Variants in PACSIN2 observed in about 807,000 individuals in gnomAD.
The protein encoded by PACSIN2 is protein kinase C and casein kinase substrate in neurons protein 2.
In PACSIN2, 25 loss-of-function variants were observed where a neutral mutation model predicts 63.8. That is an observed-to-expected ratio of 0.39 (90% CI 0.29 to 0.55). The LOEUF (loss-of-function observed/expected upper bound fraction) is 0.55, where lower values mean the gene tolerates loss of function less well. Among genes scored for constraint, PACSIN2 ranks in the 20% least tolerant of loss-of-function variants. PACSIN2 has a pLI of 0.62. For missense variants in PACSIN2, 518 were observed against 646.9 expected (o/e 0.80, Z 2.16); for synonymous variants, 255 against 256.2 (o/e 1.00, Z 0.05).
chr22:42,945,151 G>A (rs181879995), intron 1 of PACSIN2, among the ~76,000 whole-genome samples: 1 of 151,732 alleles, frequency 6.6e-6, no homozygotes, highest in Admixed American at 6.6e-5. Flanking sequence ...CCAGTGCTTA[G>A]CATGAGGTAG....
At chr22:42,908,224 C>A (rs1025036195) in intron 2 of PACSIN2, among the ~76,000 whole-genome samples, 3 of 152,226 alleles carry the variant, frequency 2.0e-5, no homozygotes, top group Admixed American at 1.3e-4. Flanking sequence ...CTCCGGGGAG[C>A]TTTTGTTGAG....
At chr22:42,930,746 G>T (rs1011328150) in intron 1 of PACSIN2, among the ~76,000 whole-genome samples, 1 of 152,192 alleles carries the variant, frequency 6.6e-6, no homozygotes, top group African/African-American at 2.4e-5. Flanking sequence ...GACAGTTCAA[G>T]TTCAAAAGTA....
chr22:42,938,622 G>C, intron 1 of PACSIN2, among the ~76,000 whole-genome samples: 1 of 152,320 alleles, frequency 6.6e-6, no homozygotes. Flanking sequence ...TGCATGTTCC[G>C]CAGGACCATT....
At chr22:42,925,209 G>A (rs1435284531) in intron 1 of PACSIN2, among the ~76,000 whole-genome samples, 2 of 152,000 alleles carry the variant, frequency 1.3e-5, no homozygotes, top group Admixed American at 6.6e-5. Flanking sequence ...GGCCGGGGCG[G>A]TGGCTCACGT....
rs1928139788 is a variant in PACSIN2, at chr22:42,871,639, C to A, written c.1349-170G>T. On this transcript the variant is annotated intron_variant, in intron 10 of 10. Transcript: ENST00000263246. This position sits in a 1 kb window ranked among gnomAD's most constrained non-coding sequence, Gnocchi z 5.4. ...ACTAAATGCATGCATTTTAAGTTGC[C>A]TCTTTGGTCATGGGCCTCTGACAGA... Among the ~76,000 whole-genome samples, 1 of 152,192 alleles carries A rather than the reference C, an allele frequency of 6.6e-6. No individual in the cohort carries two copies.
chr22:42,993,529 A>G (rs1476932917), intron 1 of PACSIN2: 2 of 152,236 alleles, frequency 1.3e-5, no homozygotes, highest in Non-Finnish European at 2.9e-5. Flanking sequence ...TTTCATCAAC[A>G]TGGAAAGATA....
intron 1 of PACSIN2, among the ~76,000 whole-genome samples, chr22:42,949,452 A>T (rs935641939): frequency 7.5e-5 from 11 of 147,346 alleles, no homozygotes; most frequent in African/African-American, 3.0e-4. Flanking sequence ...AGCCTCATAC[A>T]CACACGCGCG....
At chr22:42,983,367 C>G (rs4820500) in intron 1 of PACSIN2, among the ~76,000 whole-genome samples, 91,010 of 147,312 alleles carry the variant, frequency 0.62, 28,708 homozygotes, top group East Asian at 0.78. Flanking sequence ...GCACACACTT[C>G]TAATCCCAGC....
At chr22:42,886,592 A>G (rs1929505149) in intron 5 of PACSIN2, among the ~76,000 whole-genome samples, 1 of 152,108 alleles carries the variant, frequency 6.6e-6, no homozygotes, top group Non-Finnish European at 1.5e-5. Context: ...CAGCCTCCAA[A>G]GTAGCTGGGA....
chr22:42,916,847 T>C (rs565402023), intron 1 of PACSIN2, among the ~76,000 whole-genome samples: 7 of 152,088 alleles, frequency 4.6e-5, no homozygotes, highest in Non-Finnish European at 8.8e-5. Flanking sequence ...ACCCTAAAAG[T>C]GATAGCCATT....
chr22:42,884,182 G>A (rs1409328983), intron 6 of PACSIN2, among the ~76,000 whole-genome samples: 3 of 152,130 alleles, frequency 2.0e-5, no homozygotes, highest in Non-Finnish European at 2.9e-5. Flanking sequence ...AGGTCCAGCC[G>A]GCCATGCCTG....
chr22:42,948,237 T>C (rs1461776555), intron 1 of PACSIN2, among the ~76,000 whole-genome samples: 1 of 152,028 alleles, frequency 6.6e-6, no homozygotes, highest in Non-Finnish European at 1.5e-5. Flanking sequence ...GACTGACAAA[T>C]GGCAGGGCGC....
At chr22:42,994,246 G>C (rs940580297) in intron 1 of PACSIN2, among the ~76,000 whole-genome samples, 1 of 152,210 alleles carries the variant, frequency 6.6e-6, no homozygotes, top group Non-Finnish European at 1.5e-5. Flanking sequence ...CTGAGCAGGG[G>C]GACAGGCCTG....
At chr22:42,978,278 A>G (rs1921844770) in intron 1 of PACSIN2, among the ~76,000 whole-genome samples, 1 of 152,210 alleles carries the variant, frequency 6.6e-6, no homozygotes. Context: ...GGTCAGGAGA[A>G]AGTTGTGGAA....
intron 1 of PACSIN2, among the ~76,000 whole-genome samples, chr22:42,981,959 G>A (rs1922191888): frequency 1.2e-5 from 1 of 80,080 alleles, no homozygotes; most frequent in Non-Finnish European, 2.6e-5. Flanking sequence ...GAAGTGAGGA[G>A]CCCCTCTGCC....
chr22:42,894,407 T>C lies in PACSIN2; in HGVS notation c.61-794A>G, dbSNP rs558093960. Reference sequence around the variant, plus strand: ...AGGCACGCATGCCATCACACCCAGCTAGTTTTTGTATTTTTAGTGGAGACA... The same window carrying C: ...AGGCACGCATGCCATCACACCCAGCCAGTTTTTGTATTTTTAGTGGAGACA... On this transcript the variant is annotated intron_variant, in intron 2 of 10. Transcript: ENST00000263246. Among the ~76,000 whole-genome samples, 25 of 152,292 alleles carry C rather than the reference T, an allele frequency of 1.6e-4. No individual in the cohort carries two copies. In the East Asian group the frequency reaches 4.8e-3, roughly 29 times the overall value.
intron 1 of PACSIN2, among the ~76,000 whole-genome samples, chr22:42,955,275 CTGAA>C (rs200886149): frequency 5.3e-5 from 8 of 152,048 alleles, no homozygotes; most frequent in Non-Finnish European, 8.8e-5. Flanking sequence ...AGAAGGTAAA[CTGAA>C]TGAATGAATG....
chr22:42,871,566 G>T lies in PACSIN2; in HGVS notation c.1349-97C>A. The T allele has an allele frequency of 1.1e-6, 1 of 942,354 alleles. No individual in the cohort carries two copies. Among genetic ancestry groups the T allele is most frequent in the Non-Finnish European group, 1.7e-6 (1 of 576,228 alleles). 58.4% of individuals were successfully genotyped at this position (942,354 alleles called of 1,614,324 possible). ...GAGCTTTGAGCCCACAGAGGGTGGAGGGCCAGGCATTCTGTGGCGGGCAGG... is the reference window on the plus strand; with the variant it reads ...GAGCTTTGAGCCCACAGAGGGTGGATGGCCAGGCATTCTGTGGCGGGCAGG... On this transcript the variant is annotated intron_variant, in intron 10 of 10. Coordinates refer to ENST00000263246, the MANE Select transcript of PACSIN2 (RefSeq NM_001184970.3). This position sits in a 1 kb window ranked among gnomAD's most constrained non-coding sequence, Gnocchi z 5.4.
Position 43,004,607 on chromosome 22 carries a change from C to T in PACSIN2, c.-78+10414G>A, listed in dbSNP as rs527335877. ...AAGACCACAATTCATGATCTTGGCA[C>T]GCTCGGTTGGCGACAACATAATTTA... On this transcript the variant is annotated intron_variant, in intron 1 of 10. Transcript: ENST00000263246. Among the ~76,000 whole-genome samples the T allele has an allele frequency of 3.3e-4, 50 of 152,158 alleles. 1 individual carries two copies. The highest frequency in any genetic ancestry group is 2.1e-4 in the Non-Finnish European group (14 of 68,034).
Sources: gnomAD v4.1 joint callset for allele counts (sites outside exome capture counted in the v4.1 genomes callset) on GRCh38, gnomAD v4.1.1 for gene constraint, Gnocchi (gnomAD v3.1) non-coding constraint, MANE v1.5 for transcripts, NCBI Gene and HGNC (gene_info 2026-07-23, HGNC 2026-07-21) for gene names.